Variants in PDE11A observed in about 807,000 individuals in gnomAD.
PDE11A encodes dual 3',5'-cyclic-AMP and -GMP phosphodiesterase 11A.
PDE11A carries 100 observed loss-of-function variants against 100.5 expected under a neutral mutation model. That is an observed-to-expected ratio of 1.00 (90% CI 0.85 to 1.18). PDE11A has a LOEUF of 1.18. Among genes scored for constraint, PDE11A ranks in the 50% most tolerant of loss-of-function variants. The pLI is 0.00. For synonymous variants in PDE11A, 381 were observed against 420.8 expected (o/e 0.91, Z 1.16); for missense variants, 1,141 against 1,152.6 (o/e 0.99, Z 0.15).
At chr2:177,766,315 G>A (rs544262224) in intron 10 of PDE11A, among the ~76,000 whole-genome samples, 8 of 152,288 alleles carry the variant, frequency 5.3e-5, no homozygotes, top group South Asian at 2.1e-4. Flanking sequence ...GACAGGAGGC[G>A]GAGCTCAGGT....
intron 10 of PDE11A, among the ~76,000 whole-genome samples, chr2:177,769,029 A>G (rs1447976587): frequency 6.6e-6 from 1 of 152,204 alleles, no homozygotes; most frequent in African/African-American, 2.4e-5. Context: ...ACTGATGCCA[A>G]AACCGGGTGT....
chr2:177,863,115 A>G (rs1182684404), intron 5 of PDE11A, among the ~76,000 whole-genome samples: 1 of 151,976 alleles, frequency 6.6e-6, no homozygotes, highest in Non-Finnish European at 1.5e-5. Context: ...GGTTCTGGGA[A>G]AACTGGATTT....
At chr2:177,950,014 G>T (rs2085487719) in intron 2 of PDE11A, among the ~76,000 whole-genome samples, 1 of 152,140 alleles carries the variant, frequency 6.6e-6, no homozygotes, top group African/African-American at 2.4e-5. Flanking sequence ...AACAGTTTGT[G>T]TATAACTTAA....
At chr2:177,892,694 C>T (rs1035295763) in intron 4 of PDE11A, among the ~76,000 whole-genome samples, 2 of 152,202 alleles carry the variant, frequency 1.3e-5, no homozygotes, top group Non-Finnish European at 2.9e-5. Flanking sequence ...GTCACCTGCT[C>T]ACCCAGACTG....
chr2:178,059,292 C>A (rs763658349), intron 1 of PDE11A, among the ~76,000 whole-genome samples: 2 of 152,178 alleles, frequency 1.3e-5, no homozygotes, highest in Non-Finnish European at 2.9e-5. Context: ...AGTCAGTGTC[C>A]CTGGGTAGGG....
chr2:177,919,222 T>TTTTTTTTTTTTTTTTTTTTTTTTTTTTGA (rs1431660229), intron 2 of PDE11A, among the ~76,000 whole-genome samples: 1 of 151,372 alleles, frequency 6.6e-6, no homozygotes, highest in Non-Finnish European at 1.5e-5. Flanking sequence ...CTCAGCCTCT[T>TTTTTTTTTTTTTTTTTTTTTTTTTTTTGA]GAGTAGCTGG....
chr2:177,686,323 T>C (rs988099954), intron 15 of PDE11A, among the ~76,000 whole-genome samples: 4 of 152,184 alleles, frequency 2.6e-5, no homozygotes, highest in African/African-American at 9.7e-5. Flanking sequence ...TCCCAGTGCT[T>C]TGGGGGGCCA....
At chr2:178,006,876 T>C (rs1012984553) in intron 2 of PDE11A, among the ~76,000 whole-genome samples, 2 of 151,884 alleles carry the variant, frequency 1.3e-5, no homozygotes, top group African/African-American at 4.8e-5. Context: ...ATTCCAAACA[T>C]ACCTGTTTCT....
intron 2 of PDE11A, among the ~76,000 whole-genome samples, chr2:178,087,943 A>C (rs191583350): frequency 6.6e-6 from 1 of 152,164 alleles, no homozygotes; most frequent in Admixed American, 6.5e-5. Context: ...CATTTAAACA[A>C]GTGGTTCTGC....
At chr2:177,962,833 A>T (rs1213480698) in intron 2 of PDE11A, among the ~76,000 whole-genome samples, 1 of 111,336 alleles carries the variant, frequency 9.0e-6, no homozygotes, top group East Asian at 2.3e-4. Context: ...GGGAGATAAT[A>T]AAAAGCTAAA....
intron 2 of PDE11A, among the ~76,000 whole-genome samples, chr2:178,083,786 AAC>A (rs1239506548): frequency 1.3e-5 from 2 of 152,232 alleles, no homozygotes; most frequent in Non-Finnish European, 2.9e-5. Flanking sequence ...AGTGACAGAA[AAC>A]AGTTTCACAG....
chr2:177,773,666 C>T (rs568913070), intron 9 of PDE11A, among the ~76,000 whole-genome samples: 2 of 152,242 alleles, frequency 1.3e-5, no homozygotes, highest in East Asian at 3.9e-4. Flanking sequence ...CTTCTTGTTT[C>T]TGAGAGTTCC....
intron 15 of PDE11A, among the ~76,000 whole-genome samples, chr2:177,681,791 A>G (rs933582556): frequency 1.3e-5 from 2 of 152,230 alleles, no homozygotes; most frequent in African/African-American, 2.4e-5. Context: ...CAGCATTAAC[A>G]TTAAAACAGA....
intron 14 of PDE11A, among the ~76,000 whole-genome samples, chr2:177,700,457 G>A (rs1305947563): frequency 6.7e-6 from 1 of 150,276 alleles, no homozygotes. Context: ...ATCCTTTCCT[G>A]GCAATTTAAA....
intron 1 of PDE11A, among the ~76,000 whole-genome samples, chr2:178,068,788 A>G (rs1368193747): frequency 6.6e-6 from 1 of 152,192 alleles, no homozygotes; most frequent in African/African-American, 2.4e-5. Context: ...GAAGGATGCA[A>G]CATCCTTCCC....
intron 9 of PDE11A, among the ~76,000 whole-genome samples, chr2:177,806,013 G>A (rs1287449033): frequency 6.6e-6 from 1 of 152,174 alleles, no homozygotes; most frequent in African/African-American, 2.4e-5. Context: ...GTGGAGAGAT[G>A]AGCCTGCCAT....
At position 178,030,132 on chromosome 2, in the gene PDE11A, T is replaced by C. The variant is rs1030444151; in HGVS notation, c.913-15672A>G. Among the ~76,000 whole-genome samples, 9 of 152,106 alleles carry C rather than the reference T, an allele frequency of 5.9e-5. No homozygotes were observed. In the East Asian group the frequency reaches 1.5e-3, roughly 26 times the overall value. On this transcript the variant is annotated intron_variant, in intron 1 of 19. Coordinates refer to ENST00000286063, the MANE Select transcript of PDE11A (RefSeq NM_016953.4). ...CAAAGTTCAAAAAAAGAATAACATA[T>C]GAAAATCTCTAGAGAGAATAATCAG...
At chr2:177,835,702 G>A (rs557968057) in intron 6 of PDE11A, among the ~76,000 whole-genome samples, 88 of 152,254 alleles carry the variant, frequency 5.8e-4, no homozygotes, top group Middle Eastern at 3.4e-3. Flanking sequence ...CTGGGGCTGC[G>A]CATGGCACTG....
chr2:177,890,530 A>G (rs148417431), intron 4 of PDE11A, among the ~76,000 whole-genome samples: 253 of 152,222 alleles, frequency 1.7e-3, no homozygotes, highest in Non-Finnish European at 2.6e-3. Context: ...AGCCCTCCCA[A>G]CCTTATATGG....
Sources: gnomAD v4.1 joint callset for allele counts (sites outside exome capture counted in the v4.1 genomes callset) on GRCh38, gnomAD v4.1.1 for gene constraint, MANE v1.5 for transcripts, NCBI Gene and HGNC (gene_info 2026-07-23, HGNC 2026-07-21) for gene names.